MTSS1: variants seen among roughly 807,000 people sequenced by gnomAD.
MTSS1 encodes the protein MTSS I-BAR domain containing 1.
A neutral mutation model predicts 79.0 loss-of-function variants in MTSS1; 18 were observed. That is an observed-to-expected ratio of 0.23 (90% CI 0.16 to 0.34). The LOEUF (loss-of-function observed/expected upper bound fraction) is 0.34, where lower values mean the gene tolerates loss of function less well. MTSS1 is among the 10% of genes least tolerant of loss of function. MTSS1 has a pLI of 1.00. For synonymous variants in MTSS1, 341 were observed against 368.6 expected, an observed-to-expected ratio of 0.93 and a Z score of 0.86; for missense variants, 815 against 986.2, an observed-to-expected ratio of 0.83 and a Z score of 2.33.
At chr8:124,567,036 T>G (rs1826649361) in intron 8 of MTSS1, 35 bp downstream of exon 8, 9 of 1,529,050 alleles carry the variant, frequency 5.9e-6, no homozygotes, top group Non-Finnish European at 8.1e-6. Flanking sequence ...ACCTCTTTGG[T>G]TTGATCCTGT....
At chr8:124,612,542 G>T (rs561805058) in intron 3 of MTSS1, among the ~76,000 whole-genome samples, 1 of 148,250 alleles carries the variant, frequency 6.7e-6, no homozygotes, top group South Asian at 2.2e-4. Context: ...TCTTAAGCAG[G>T]AAAAACTGAG....
At chr8:124,584,824 C>A (rs555061214) in intron 6 of MTSS1, among the ~76,000 whole-genome samples, 1 of 152,102 alleles carries the variant, frequency 6.6e-6, no homozygotes, top group African/African-American at 2.4e-5. Flanking sequence ...GGTATCATTA[C>A]GAAGCACAAT....
intron 3 of MTSS1, among the ~76,000 whole-genome samples, chr8:124,670,374 C>CGGCACCCCACACAGCCTGGT (rs1823909742): frequency 2.7e-5 from 3 of 110,330 alleles, no homozygotes; most frequent in East Asian, 6.8e-4. Flanking sequence ...CTCAGGCGGG[C>CGGCACCCCACACAGCCTGGT]GGCACCCCAC....
intron 6 of MTSS1, among the ~76,000 whole-genome samples, chr8:124,572,832 C>T (rs1256699676): frequency 2.0e-5 from 3 of 149,784 alleles, no homozygotes; most frequent in Non-Finnish European, 3.0e-5. Flanking sequence ...CTGCAACCTC[C>T]GCCTGCCAGG....
At chr8:124,717,518 C>T (rs958737867) in intron 1 of MTSS1, among the ~76,000 whole-genome samples, 1 of 150,448 alleles carries the variant, frequency 6.6e-6, no homozygotes, top group Non-Finnish European at 1.5e-5. Context: ...TCACTTGAAC[C>T]TGGGAGGCAG....
At chr8:124,556,037 C>G in intron 12 of MTSS1, 133 bp from the exon 13 acceptor site, 1 of 1,541,236 alleles carries the variant, frequency 6.5e-7, no homozygotes, top group East Asian at 2.4e-5. Context: ...CCACTCTGAC[C>G]CTAGAAAGTT....
At chr8:124,591,326 A>C in intron 3 of MTSS1, 91 bp from the exon 4 acceptor site, 1 of 1,044,278 alleles carries the variant, frequency 9.6e-7, no homozygotes, top group Non-Finnish European at 1.5e-6. Context: ...GTCAGATTTC[A>C]CCACATTGTA....
At chr8:124,610,153 T>C (rs1486900724) in intron 3 of MTSS1, among the ~76,000 whole-genome samples, 1 of 152,250 alleles carries the variant, frequency 6.6e-6, no homozygotes, top group African/African-American at 2.4e-5. Flanking sequence ...GCACCTACTA[T>C]GTGCAAGGTA....
In MTSS1 at chr8:124,551,260, T is replaced by C. The variant is rs1822475783; in HGVS notation, c.*1732A>G. Reference sequence around the variant, plus strand: ...ACAATGCATCAGCTACTTTTAGTCATCAAGATTGGTGGGCTAAACCACAGG... The same window carrying C: ...ACAATGCATCAGCTACTTTTAGTCACCAAGATTGGTGGGCTAAACCACAGG... On this transcript the variant is annotated 3_prime_UTR_variant, in exon 14 of 14. Coordinates refer to ENST00000518547, the MANE Select transcript of MTSS1 (RefSeq NM_014751.6). 2 of 152,666 alleles carry C rather than the reference T, an allele frequency of 1.3e-5. No homozygotes were observed. The highest frequency in any genetic ancestry group is 2.4e-5 in the African/African-American group (1 of 41,464). The allele number at this position is 152,666 out of a possible 1,614,324, so 9.5% of individuals were successfully genotyped here.
chr8:124,583,770 G>A (rs752151849), intron 6 of MTSS1, among the ~76,000 whole-genome samples: 1 of 152,114 alleles, frequency 6.6e-6, no homozygotes, highest in African/African-American at 2.4e-5. Flanking sequence ...GTTCAGCCCC[G>A]AACTGTGACC....
intron 3 of MTSS1, among the ~76,000 whole-genome samples, chr8:124,656,864 A>G (rs1821059090): frequency 6.6e-6 from 1 of 152,142 alleles, no homozygotes; most frequent in Non-Finnish European, 1.5e-5. Flanking sequence ...AAGTATTCCA[A>G]CTGCAGGCAA....
At chr8:124,665,268 G>A (rs1016593882) in intron 3 of MTSS1, among the ~76,000 whole-genome samples, 1 of 152,182 alleles carries the variant, frequency 6.6e-6, no homozygotes, top group Admixed American at 6.5e-5. Flanking sequence ...TTAAAGATTT[G>A]CTCAATTCGA....
intron 3 of MTSS1, chr8:124,619,548 C>T (rs1172256684): frequency 2.6e-5 from 4 of 152,218 alleles, no homozygotes; most frequent in African/African-American, 4.8e-5. Flanking sequence ...CAAAAAATAC[C>T]GCTGAATGAC....
At chr8:124,625,737 C>G (rs772767799) in intron 3 of MTSS1, among the ~76,000 whole-genome samples, 1 of 152,204 alleles carries the variant, frequency 6.6e-6, no homozygotes, top group Non-Finnish European at 1.5e-5. Flanking sequence ...AGCTATGCTG[C>G]CTTCTTTAAA....
At chr8:124,575,913 T>C (rs1828883131) in intron 6 of MTSS1, among the ~76,000 whole-genome samples, 1 of 152,152 alleles carries the variant, frequency 6.6e-6, no homozygotes, top group Non-Finnish European at 1.5e-5. Flanking sequence ...TCCAGAAATT[T>C]ACCATTGCCT....
chr8:124,625,201 A>C (rs1814425001), intron 3 of MTSS1, among the ~76,000 whole-genome samples: 1 of 152,136 alleles, frequency 6.6e-6, no homozygotes, highest in African/African-American at 2.4e-5. Context: ...CTTTAGTTAC[A>C]TGACCTTGGA....
At chr8:124,633,017 AAAAT>A (rs776936906) in intron 3 of MTSS1, among the ~76,000 whole-genome samples, 28 of 152,116 alleles carry the variant, frequency 1.8e-4, no homozygotes, top group Non-Finnish European at 3.7e-4. Context: ...AGGTCAGTAA[AAAAT>A]AAGGTGGCGC....
chr8:124,675,632 T>C (rs982244785), intron 3 of MTSS1, among the ~76,000 whole-genome samples: 6 of 152,158 alleles, frequency 3.9e-5, no homozygotes, highest in Non-Finnish European at 7.4e-5. Context: ...TAAACCCCCA[T>C]GGCCACTAAG....
intron 5 of MTSS1, among the ~76,000 whole-genome samples, chr8:124,587,535 G>T (rs1365083750): frequency 6.6e-5 from 10 of 152,202 alleles, no homozygotes; most frequent in Admixed American, 6.5e-4. Context: ...GTCTTGCTGT[G>T]TTGTCCAGGC....
Sources: gnomAD v4.1 joint callset for allele counts (sites outside exome capture counted in the v4.1 genomes callset) on GRCh38, gnomAD v4.1.1 for gene constraint, MANE v1.5 for transcripts, NCBI Gene and HGNC (gene_info 2026-07-23, HGNC 2026-07-21) for gene names.